The following FBXO11 variants were observed in gnomAD, a reference collection of about 807,000 sequenced individuals.
The protein encoded by FBXO11 is F-box protein 11.
Under a neutral mutation model 117.0 loss-of-function variants are expected in FBXO11, and 13 were observed. The observed-to-expected ratio is 0.11, with a 90% confidence interval of 0.07 to 0.18. FBXO11 has a LOEUF of 0.18. Ranked by LOEUF, FBXO11 falls within the 10% of genes least tolerant of loss-of-function variation. FBXO11 has a pLI of 1.00. For missense variants in FBXO11, 767 were observed against 1,164.4 expected, an observed-to-expected ratio of 0.66 and a Z score of 4.97; for synonymous variants, 490 against 380.5, an observed-to-expected ratio of 1.29 and a Z score of -3.35.
At chr2:47,889,215 T>C (rs1417933784) in intron 1 of FBXO11, among the ~76,000 whole-genome samples, 1 of 152,220 alleles carries the variant, frequency 6.6e-6, no homozygotes, top group Non-Finnish European at 1.5e-5. Flanking sequence ...AATCCGGTTA[T>C]GTTGCTTTTC....
At position 47,855,227 on chromosome 2, in the gene FBXO11, G is replaced by T. The variant is rs543310199; in HGVS notation, c.233-15458C>A. Among the ~76,000 whole-genome samples the T allele has an allele frequency of 2.4e-4, 36 of 151,388 alleles. No individual in the cohort carries two copies. In the South Asian group the frequency reaches 6.7e-3, roughly 28 times the overall value. On this transcript the variant is annotated intron_variant, in intron 1 of 22. Transcript: ENST00000403359. ...TTTTTTTTTTTGTTTTTGAGACAGG[G>T]TCTCACTCTGTCGCCCAGGATAGAC...
rs1197927778 is a variant in FBXO11 at position 47,807,346 on chromosome 2, A to G, written c.*772T>C. The stretch of plus-strand genomic sequence containing the variant: ...AGTTACAAGAATACTTTTGTTTTAC[A>G]GTGCATCCCTTCCTAGGAAGTCTCA... On this transcript the variant is annotated 3_prime_UTR_variant, in exon 23 of 23. Coordinates refer to ENST00000403359, the MANE Select transcript of FBXO11 (RefSeq NM_001190274.2). The G allele has an allele frequency of 4.7e-6, 1 of 212,476 alleles. No homozygotes were observed. The highest frequency in any genetic ancestry group is 2.3e-5 in the African/African-American group (1 of 44,036). The allele number at this position is 212,476 out of a possible 1,614,324, so 13.2% of individuals were successfully genotyped here.
chr2:47,877,532 T>C (rs1024659504), intron 1 of FBXO11, among the ~76,000 whole-genome samples: 1 of 152,220 alleles, frequency 6.6e-6, no homozygotes, highest in African/African-American at 2.4e-5. Context: ...GTTTAGTTTT[T>C]CTTCTGTATT....
chr2:47,893,612 T>C (rs1677432535), intron 1 of FBXO11, among the ~76,000 whole-genome samples: 1 of 152,188 alleles, frequency 6.6e-6, no homozygotes, highest in African/African-American at 2.4e-5. Flanking sequence ...CTCAGTTTCT[T>C]AACTTTAAGT....
chr2:47,821,521 A>T (rs1254908069), intron 13 of FBXO11, among the ~76,000 whole-genome samples: 1 of 151,332 alleles, frequency 6.6e-6, no homozygotes, highest in Non-Finnish European at 1.5e-5. Context: ...GCGGCAGGAG[A>T]ATGGCGTGAA....
chr2:47,813,425 ATTTTTTTTTTT>A, intron 17 of FBXO11, 48 bp from the exon 18 acceptor site: 2 of 386,832 alleles, frequency 5.2e-6, no homozygotes, highest in African/African-American at 5.5e-5. Flanking sequence ...TTTCTTTTTA[ATTTTTTTTTTT>A]TTTTTTTTTT....
At chr2:47,873,760 G>T (rs547884188) in intron 1 of FBXO11, among the ~76,000 whole-genome samples, 12 of 152,028 alleles carry the variant, frequency 7.9e-5, no homozygotes, top group Admixed American at 6.6e-4. Context: ...TGTTCTTGTG[G>T]GTTTATGCCT....
chr2:47,849,191 T>A (rs1036696528), intron 1 of FBXO11, among the ~76,000 whole-genome samples: 1 of 152,220 alleles, frequency 6.6e-6, no homozygotes, highest in Non-Finnish European at 1.5e-5. Context: ...AGATAAAATT[T>A]AAATACTTAT....
chr2:47,900,659 CACACGTACGTATAT>C (rs1678095828), intron 1 of FBXO11, among the ~76,000 whole-genome samples: 1 of 95,570 alleles, frequency 1.0e-5, no homozygotes, highest in Non-Finnish European at 2.2e-5. Flanking sequence ...CACGTATACA[CACACGTACGTATAT>C]ACACACGTAT....
chr2:47,818,681 G>T, intron 16 of FBXO11, 98 bp downstream of exon 16: 1 of 734,886 alleles, frequency 1.4e-6, no homozygotes, highest in Non-Finnish European at 2.3e-6. Flanking sequence ...ACAATAGGGG[G>T]ATAAAGATTG....
At chr2:47,810,174 T>C (rs1255063086) in intron 19 of FBXO11, 142 bp downstream of exon 19, 7 of 587,160 alleles carry the variant, frequency 1.2e-5, no homozygotes, top group African/African-American at 1.9e-5. Flanking sequence ...TTAGGTGCTC[T>C]TGTAAGTGAA....
intron 1 of FBXO11, among the ~76,000 whole-genome samples, chr2:47,891,835 A>C (rs1677279850): frequency 6.6e-6 from 1 of 151,840 alleles, no homozygotes; most frequent in Non-Finnish European, 1.5e-5. Context: ...AAGATATCTC[A>C]TTGTGGTTTT....
At position 47,906,135 on chromosome 2, in the gene FBXO11, G is replaced by C. The variant is rs549329391; in HGVS notation, c.-415C>G. 1 of 195,856 alleles carries C rather than the reference G, an allele frequency of 5.1e-6. No homozygotes were observed. The allele number at this position is 195,856 out of a possible 1,614,324, so 12.1% of individuals were successfully genotyped here. On this transcript the variant is annotated 5_prime_UTR_variant, in exon 1 of 23. Transcript: ENST00000403359. ...CCGCCGACTCGCGAGCGGCGTCTCC[G>C]GCAGCGGGGGGAGTGGGCGGGCGGG...
intron 1 of FBXO11, among the ~76,000 whole-genome samples, chr2:47,855,923 C>A (rs957875173): frequency 3.3e-5 from 5 of 151,458 alleles, no homozygotes; most frequent in Non-Finnish European, 5.9e-5. Context: ...GAGCCTACAA[C>A]AGAAGACAGA....
At chr2:47,865,223 T>C (rs369548761) in intron 1 of FBXO11, among the ~76,000 whole-genome samples, 11 of 152,352 alleles carry the variant, frequency 7.2e-5, no homozygotes, top group South Asian at 4.1e-4. Flanking sequence ...CCTTCGGTGA[T>C]AGAACCCAGA....
intron 1 of FBXO11, among the ~76,000 whole-genome samples, chr2:47,847,940 C>T (rs1233045682): frequency 4.6e-5 from 7 of 151,732 alleles, no homozygotes; most frequent in Non-Finnish European, 7.4e-5. Context: ...CTGGCTAACA[C>T]GGTGAAACCC....
intron 1 of FBXO11, among the ~76,000 whole-genome samples, chr2:47,875,498 C>T (rs1572887813): frequency 6.9e-6 from 1 of 145,490 alleles, no homozygotes. Flanking sequence ...CTTTTTTTGT[C>T]TTTTTTTTTT....
At chr2:47,905,445 C>T in intron 1 of FBXO11, 44 bp downstream of exon 1, 1 of 1,201,080 alleles carries the variant, frequency 8.3e-7, no homozygotes, top group South Asian at 3.7e-5. Context: ...TCCCTTCCCG[C>T]GGTGCCCGGG....
At chr2:47,837,701 T>C (rs1672693933) in intron 4 of FBXO11, among the ~76,000 whole-genome samples, 1 of 152,192 alleles carries the variant, frequency 6.6e-6, no homozygotes, top group South Asian at 2.1e-4. Context: ...TTTATTATAG[T>C]TGTGATTATA....
Sources: gnomAD v4.1 joint callset for allele counts (sites outside exome capture counted in the v4.1 genomes callset) on GRCh38, gnomAD v4.1.1 for gene constraint, MANE v1.5 for transcripts, NCBI Gene and HGNC (gene_info 2026-07-23, HGNC 2026-07-21) for gene names.